Variants in ZRANB3 observed in about 807,000 individuals in gnomAD.
ZRANB3 encodes zinc finger RANBP2-type containing 3.
Under a neutral mutation model 133.8 loss-of-function variants are expected in ZRANB3, and 125 were observed. The ratio of observed to expected loss-of-function variants is 0.93; its 90% confidence interval spans 0.81 to 1.08. The LOEUF (loss-of-function observed/expected upper bound fraction) is 1.08, where lower values mean the gene tolerates loss of function less well. Ranked by LOEUF, ZRANB3 falls within the 50% of genes least tolerant of loss-of-function variation. The pLI, the probability that ZRANB3 is intolerant of heterozygous loss-of-function variation, is 0.00. For synonymous variants in ZRANB3, 387 were observed against 432.7 expected (o/e 0.89, Z 1.31); for missense variants, 1,229 against 1,275.5 (o/e 0.96, Z 0.56).
chr2:135,446,298 A>G (rs1574116593), intron 2 of ZRANB3, among the ~76,000 whole-genome samples: 1 of 152,158 alleles, frequency 6.6e-6, no homozygotes, highest in Non-Finnish European at 1.5e-5. Context: ...ATACAGGGGT[A>G]AAAAAGCAGA....
At chr2:135,249,343 C>G (rs917202984) in intron 12 of ZRANB3, among the ~76,000 whole-genome samples, 1 of 152,202 alleles carries the variant, frequency 6.6e-6, no homozygotes, top group Non-Finnish European at 1.5e-5. Context: ...ATGGAATCAA[C>G]AGAAATGCAT....
At chr2:135,438,606 C>T (rs1448564517) in intron 2 of ZRANB3, among the ~76,000 whole-genome samples, 2 of 152,198 alleles carry the variant, frequency 1.3e-5, no homozygotes, top group East Asian at 1.9e-4. Context: ...GGGCAACTGC[C>T]TCCATCTTGA....
chr2:135,443,032 C>T (rs368866757), intron 2 of ZRANB3, among the ~76,000 whole-genome samples: 16 of 151,282 alleles, frequency 1.1e-4, no homozygotes, highest in Admixed American at 2.0e-4. Flanking sequence ...AAAAGAATGG[C>T]GTGAATCTGG....
chr2:135,364,706 T>G (rs1386291239), intron 3 of ZRANB3, among the ~76,000 whole-genome samples: 1 of 151,824 alleles, frequency 6.6e-6, no homozygotes, highest in African/African-American at 2.4e-5. Context: ...GAGCTGAGAT[T>G]GCACCACTGC....
intron 12 of ZRANB3, among the ~76,000 whole-genome samples, chr2:135,259,862 G>T (rs532720961): frequency 6.6e-5 from 10 of 152,106 alleles, no homozygotes; most frequent in South Asian, 6.2e-4. Context: ...GGATGAAAGG[G>T]GGCTTAGACG....
chr2:135,440,252 AAT>A (rs1373617378), intron 2 of ZRANB3, among the ~76,000 whole-genome samples: 2 of 152,142 alleles, frequency 1.3e-5, no homozygotes, highest in Non-Finnish European at 2.9e-5. Flanking sequence ...ATAAGAAATA[AAT>A]ATGTCTATTT....
chr2:135,333,866 T>TA (rs1558924032), intron 6 of ZRANB3, among the ~76,000 whole-genome samples: 1 of 152,234 alleles, frequency 6.6e-6, no homozygotes, highest in African/African-American at 2.4e-5. Context: ...CAACTGTATC[T>TA]ACTGAACTGT....
At chr2:135,380,214 G>A (rs1224126570) in intron 3 of ZRANB3, among the ~76,000 whole-genome samples, 1 of 152,148 alleles carries the variant, frequency 6.6e-6, no homozygotes, top group Admixed American at 6.5e-5. Context: ...ATAATAATGG[G>A]AGACTTTTAA....
chr2:135,425,655 G>C (rs1046788160), intron 2 of ZRANB3, among the ~76,000 whole-genome samples: 1 of 152,066 alleles, frequency 6.6e-6, no homozygotes, highest in African/African-American at 2.4e-5. Context: ...TGAGAACAAA[G>C]ATACAACATA....
intron 17 of ZRANB3, among the ~76,000 whole-genome samples, chr2:135,210,868 A>G (rs1694068992): frequency 6.6e-6 from 1 of 152,076 alleles, no homozygotes; most frequent in Non-Finnish European, 1.5e-5. Context: ...GTCTCTACTA[A>G]AAGTACAAAA....
intron 9 of ZRANB3, among the ~76,000 whole-genome samples, chr2:135,272,114 T>C (rs1680546356): frequency 6.6e-6 from 1 of 152,236 alleles, no homozygotes; most frequent in Non-Finnish European, 1.5e-5. Flanking sequence ...GTAGAGTCTA[T>C]GTCTAATTCA....
intron 6 of ZRANB3, among the ~76,000 whole-genome samples, chr2:135,333,520 C>T (rs917655032): frequency 5.3e-5 from 8 of 152,180 alleles, no homozygotes; most frequent in African/African-American, 1.7e-4. Context: ...AATGTGTATA[C>T]TCTTCCATAG....
At chr2:135,487,124 T>C (rs1692158925) in intron 2 of ZRANB3, among the ~76,000 whole-genome samples, 1 of 152,218 alleles carries the variant, frequency 6.6e-6, no homozygotes, top group African/African-American at 2.4e-5. Flanking sequence ...ACAACATTCA[T>C]CTTGTATATC....
Position 135,481,852 on chromosome 2 carries a change from G to T in ZRANB3, c.161+22477C>A, listed in dbSNP as rs1691831566. On this transcript the variant is annotated intron_variant, in intron 2 of 20. Coordinates refer to ENST00000264159, the MANE Select transcript of ZRANB3 (RefSeq NM_032143.4). ...TACATATGGCTAGCTAGTTTTCCCA[G>T]CACCATTTATTAAATAGGGAATCCT... 4.0e-5 allele frequency among the ~76,000 whole-genome samples: 6 copies of T among 150,498 alleles called. No individual in the cohort carries two copies. The South Asian group carries it at 1.0e-3, about 26-fold the overall frequency.
chr2:135,454,739 T>C (rs1339340796), intron 2 of ZRANB3, among the ~76,000 whole-genome samples: 1 of 152,194 alleles, frequency 6.6e-6, no homozygotes, highest in Non-Finnish European at 1.5e-5. Context: ...GACCTCTAGT[T>C]CCATCCAGGT....
Position 135,400,319 on chromosome 2 carries a change from T to C in ZRANB3, c.162-9499A>G, listed in dbSNP as rs934633206. Among the ~76,000 whole-genome samples, 4 of 152,250 alleles carry C rather than the reference T, an allele frequency of 2.6e-5. No homozygotes were observed. In the South Asian group the frequency reaches 8.3e-4, roughly 32 times the overall value. Reference sequence around the variant, plus strand: ...CATGGACTCTGTGTGTTCACTCTTCTGATAAATCCATATTTTGTTTCTTTG... The same window carrying C: ...CATGGACTCTGTGTGTTCACTCTTCCGATAAATCCATATTTTGTTTCTTTG... On this transcript the variant is annotated intron_variant, in intron 2 of 20. Coordinates refer to ENST00000264159, the MANE Select transcript of ZRANB3 (RefSeq NM_032143.4).
chr2:135,199,544 C>T lies in ZRANB3; in HGVS notation c.*798G>A, dbSNP rs565901417. On this transcript the variant is annotated 3_prime_UTR_variant, in exon 21 of 21. Transcript: ENST00000264159. ...ATCTATCTCCTGACCTCATGATCCA[C>T]CCGCTTTGGCCTCCCAAAGTGCTGG... The T allele has an allele frequency of 6.6e-6, 1 of 152,334 alleles. No homozygotes were observed. The highest frequency in any genetic ancestry group is 1.9e-4 in the East Asian group (1 of 5,186). The allele number at this position is 152,334 out of a possible 1,614,324, so 9.4% of individuals were successfully genotyped here.
At chr2:135,308,731 G>T (rs1682822584) in intron 8 of ZRANB3, among the ~76,000 whole-genome samples, 1 of 152,096 alleles carries the variant, frequency 6.6e-6, no homozygotes, top group African/African-American at 2.4e-5. Context: ...TTCCCAAAGT[G>T]CTGGGATTAC....
At chr2:135,489,634 A>T (rs1018336652) in intron 2 of ZRANB3, among the ~76,000 whole-genome samples, 4 of 151,550 alleles carry the variant, frequency 2.6e-5, no homozygotes, top group African/African-American at 9.7e-5. Context: ...TCAGAGAAAT[A>T]AAAAAAATAC....
Sources: gnomAD v4.1 joint callset for allele counts (sites outside exome capture counted in the v4.1 genomes callset) on GRCh38, gnomAD v4.1.1 for gene constraint, MANE v1.5 for transcripts, NCBI Gene and HGNC (gene_info 2026-07-23, HGNC 2026-07-21) for gene names.